Variants in PCDHGA3 observed in about 807,000 individuals in gnomAD.
PCDHGA3 encodes the protein protocadherin gamma subfamily A, 3.
PCDHGA3 carries 40 observed loss-of-function variants against 58.5 expected under a neutral mutation model. The observed-to-expected ratio is 0.68, with a 90% CI of 0.53 to 0.89. PCDHGA3 has a LOEUF of 0.89. Ranked by LOEUF, PCDHGA3 falls within the 40% of genes least tolerant of loss-of-function variation. The pLI, the probability that PCDHGA3 is intolerant of heterozygous loss-of-function variation, is 0.00. For synonymous variants in PCDHGA3, 530 were observed against 525.7 expected (o/e 1.01, Z -0.11); for missense variants, 1,223 against 1,195.9 (o/e 1.02, Z -0.33).
chr5:141,402,921 T>C (rs1486440819), intron 1 of PCDHGA3: 1 of 1,575,122 alleles, frequency 6.3e-7, no homozygotes. Context: ...CGCACAGAGA[T>C]CCTTTTGAGA....
intron 1 of PCDHGA3, among the ~76,000 whole-genome samples, chr5:141,462,783 T>C (rs1313584666): frequency 6.6e-6 from 1 of 152,236 alleles, no homozygotes; most frequent in Non-Finnish European, 1.5e-5. Flanking sequence ...CATAATTTGT[T>C]GCTTATTTGC....
In PCDHGA3 at chr5:141,355,384, C is replaced by A. The variant is rs570057542; in HGVS notation, c.2424+8927C>A. The stretch of plus-strand genomic sequence containing the variant: ...GTTGGCGCCCCGGGAGCTGGCGGAG[C>A]GCGGAGTCCGCATCGTCTCCAGAGG... On this transcript the variant is annotated intron_variant, in intron 1 of 3. Transcript: ENST00000253812. 122 of 1,614,008 alleles carry A rather than the reference C, an allele frequency of 7.6e-5. 1 individual carries two copies. In the East Asian group the frequency reaches 2.7e-3, roughly 35 times the overall value.
chr5:141,422,422 T>TA, intron 1 of PCDHGA3: 1 of 1,607,804 alleles, frequency 6.2e-7, no homozygotes, highest in Non-Finnish European at 8.5e-7. Flanking sequence ...AGAAAAGACT[T>TA]ATGGAAATTA....
intron 1 of PCDHGA3, chr5:141,394,056 G>C (rs776550132): frequency 6.2e-7 from 1 of 1,613,734 alleles, no homozygotes; most frequent in Non-Finnish European, 8.5e-7. Flanking sequence ...CCGAGAAAAT[G>C]TCTCTATCTA....
At chr5:141,389,432 C>G in intron 1 of PCDHGA3, 1 of 1,610,650 alleles carries the variant, frequency 6.2e-7, no homozygotes, top group Non-Finnish European at 8.5e-7. Context: ...TCGCGCAGCG[C>G]GCCTTCGACC....
Position 141,486,146 on chromosome 5 carries a change from G to A in PCDHGA3, c.2425-8661G>A, listed in dbSNP as rs533158692. The A allele has an allele frequency of 3.1e-6, 5 of 1,614,184 alleles. No homozygotes were observed. The highest frequency in any genetic ancestry group is 2.2e-5 in the East Asian group (1 of 44,876). The stretch of plus-strand genomic sequence containing the variant: ...TGAATTTGATGTGCGGGCTCGCGAT[G>A]GGGGTTCTCCAGCCATGGAGCAACA... On this transcript the variant is annotated intron_variant, in intron 1 of 3. Transcript: ENST00000253812. The surrounding 1 kb of genome is among the most constrained non-coding windows in gnomAD (Gnocchi z 5.0).
intron 2 of PCDHGA3, among the ~76,000 whole-genome samples, chr5:141,502,834 A>G (rs1398558120): frequency 6.7e-6 from 1 of 149,378 alleles, no homozygotes; most frequent in Non-Finnish European, 1.5e-5. Flanking sequence ...GGAAGCCTGG[A>G]CTGGCTGAGC....
chr5:141,364,500 A>G, intron 1 of PCDHGA3: 7 of 1,614,008 alleles, frequency 4.3e-6, no homozygotes, highest in Non-Finnish European at 5.9e-6. Flanking sequence ...CTGGAGCCCC[A>G]GGAGCTGGCG....
At chr5:141,384,280 A>G (rs1779919886) in intron 1 of PCDHGA3, 2 of 1,613,714 alleles carry the variant, frequency 1.2e-6, no homozygotes, top group Non-Finnish European at 1.7e-6. Context: ...CTCAGTCTAC[A>G]TCGCTGAGAA....
In PCDHGA3 at chr5:141,372,623, C is replaced by T. The variant is rs1024329977; in HGVS notation, c.2424+26166C>T. The T allele has an allele frequency of 6.8e-6, 11 of 1,613,878 alleles. No homozygotes were observed. In the Admixed American group the frequency reaches 1.2e-4, roughly 17 times the overall value. ...CTGTACCTGGAGTTCTCCCCACCTA[C>T]AGCGAAAGGACTTTGCCTTATTCCT... is the stretch of plus-strand genomic sequence containing the variant. On this transcript the variant is annotated intron_variant, in intron 1 of 3. Transcript: ENST00000253812.
In PCDHGA3 at chr5:141,432,733, C is replaced by T; in HGVS notation, c.2425-62074C>T. 1 of 1,614,094 alleles carries T rather than the reference C, an allele frequency of 6.2e-7. No individual in the cohort carries two copies. Among genetic ancestry groups the T allele is most frequent in the Middle Eastern group, 1.6e-4 (1 of 6,062 alleles). ...GCCAGCCCCCTCTCTCCGCCACTGTCACGCTCACCGTGGCCGTGGCCGACA... is the reference window on the plus strand; with the variant it reads ...GCCAGCCCCCTCTCTCCGCCACTGTTACGCTCACCGTGGCCGTGGCCGACA... On this transcript the variant is annotated intron_variant, in intron 1 of 3. Coordinates refer to ENST00000253812, the MANE Select transcript of PCDHGA3 (RefSeq NM_018916.4). The surrounding 1 kb of genome is among the most constrained non-coding windows in gnomAD (Gnocchi z 6.0).
Position 141,375,862 on chromosome 5 carries a change from G to T in PCDHGA3, c.2424+29405G>T, listed in dbSNP as rs759161440. 4.3e-6 allele frequency: 7 copies of T among 1,613,976 alleles called. No individual in the cohort carries two copies. The South Asian group carries it at 7.7e-5, about 18-fold the overall frequency. On this transcript the variant is annotated intron_variant, in intron 1 of 3. Coordinates refer to ENST00000253812, the MANE Select transcript of PCDHGA3 (RefSeq NM_018916.4). Reference sequence around the variant, plus strand: ...GCTACCTGGTGACCAAGGTGGTGGCGGTGGACAGAGACTCGGGCCAGAACG... The same window carrying T: ...GCTACCTGGTGACCAAGGTGGTGGCTGTGGACAGAGACTCGGGCCAGAACG...
At position 141,486,927 on chromosome 5, in the gene PCDHGA3, G is replaced by A; in HGVS notation, c.2425-7880G>A. ...CCCCAAGCACTGCCTCCATCAGTTG[G>A]TGCTGGCCACCTAATCACAAAGGTG... On this transcript the variant is annotated intron_variant, in intron 1 of 3. Transcript: ENST00000253812. The surrounding 1 kb of genome is among the most constrained non-coding windows in gnomAD (Gnocchi z 5.0). 4 of 1,614,226 alleles carry A rather than the reference G, an allele frequency of 2.5e-6. No individual in the cohort carries two copies. Among genetic ancestry groups the A allele is most frequent in the Non-Finnish European group, 3.4e-6 (4 of 1,180,046 alleles).
At chr5:141,495,605 T>G (rs1201224193) in intron 2 of PCDHGA3, among the ~76,000 whole-genome samples, 2 of 152,228 alleles carry the variant, frequency 1.3e-5, no homozygotes, top group African/African-American at 2.4e-5. Context: ...GCTTCCGTCT[T>G]GATTGCTGCA....
At chr5:141,494,922 C>T (rs1401836511) in intron 2 of PCDHGA3, 57 bp downstream of exon 2, 23 of 1,613,670 alleles carry the variant, frequency 1.4e-5, no homozygotes, top group Non-Finnish European at 1.9e-5. Flanking sequence ...TCAGGGATGA[C>T]GTGGGAGGAG....
intron 1 of PCDHGA3, chr5:141,421,833 C>A: frequency 6.2e-7 from 1 of 1,613,756 alleles, no homozygotes; most frequent in South Asian, 1.1e-5. Context: ...GAAGCCTGGA[C>A]CGAGAGAAAG....
intron 1 of PCDHGA3, chr5:141,415,073 C>G: frequency 1.9e-6 from 3 of 1,613,434 alleles, no homozygotes; most frequent in Non-Finnish European, 2.5e-6. Flanking sequence ...GTGCGCACGG[C>G]GCGAGCCCTG....
chr5:141,382,978 T>C, intron 1 of PCDHGA3: 1 of 1,610,702 alleles, frequency 6.2e-7, no homozygotes, highest in Non-Finnish European at 8.5e-7. Context: ...CTGGGAAGCC[T>C]GGGCAGGACG....
In PCDHGA3 at chr5:141,344,877, G is replaced by T; in HGVS notation, c.844G>T (p.Asp282Tyr). The change falls in exon 1 of 4, where the codon GAT becomes TAT. Residue 282 changes from aspartate (D) to tyrosine (Y), a missense_variant. Coordinates refer to ENST00000253812, the MANE Select transcript of PCDHGA3 (RefSeq NM_018916.4). ...CAATGCTCAAGTGTCTTATATTCTAGATAAAATGCCTGGGAAAATCGCTGA... is the reference window on the plus strand; with the variant it reads ...CAATGCTCAAGTGTCTTATATTCTATATAAAATGCCTGGGAAAATCGCTGA... ...GFNAQVSYILDKMPGKIAEIF... is the reference protein window; with the variant it reads ...GFNAQVSYILYKMPGKIAEIF... 1 of 1,613,902 alleles carries T rather than the reference G, an allele frequency of 6.2e-7. No individual in the cohort carries two copies. The highest frequency in any genetic ancestry group is 1.1e-5 in the South Asian group (1 of 91,068).
Sources: gnomAD v4.1 joint callset for allele counts (sites outside exome capture counted in the v4.1 genomes callset) on GRCh38, gnomAD v4.1.1 for gene constraint, Gnocchi (gnomAD v3.1) non-coding constraint, MANE v1.5 for transcripts, NCBI Gene and HGNC (gene_info 2026-07-23, HGNC 2026-07-21) for gene names.